The following SF1 variants were observed in gnomAD, a reference collection of about 807,000 sequenced individuals.
SF1 encodes branch point-binding protein.
In SF1, 7 loss-of-function variants were observed where a neutral mutation model predicts 62.5. The ratio of observed to expected loss-of-function variants is 0.11; its 90% confidence interval spans 0.06 to 0.21. SF1 has a LOEUF of 0.21. Among genes scored for constraint, SF1 ranks in the 10% least tolerant of loss-of-function variants. The probability of loss-of-function intolerance (pLI) is 1.00; values close to 1 mark genes in which losing one functional copy is unlikely to be tolerated. For missense variants in SF1, 578 were observed against 884.0 expected (o/e 0.65, Z 4.39); for synonymous variants, 394 against 323.6 (o/e 1.22, Z -2.33).
rs755650199 is a variant in SF1, at chr11:64,776,480, T to G, written c.160+18A>C. The G allele has an allele frequency of 6.4e-7, 1 of 1,568,672 alleles. No homozygotes were observed. Among genetic ancestry groups the G allele is most frequent in the Non-Finnish European group, 8.6e-7 (1 of 1,162,478 alleles). ...GTAACAATCTCAAAGTGCATTTGGA[T>G]GCAGAACGTATATTTACCTATATAA... On this transcript the variant is annotated intron_variant, in intron 2 of 12. Transcript: ENST00000377390.
At chr11:64,770,123 A>T (rs1178356640) in intron 4 of SF1, 70 bp from the exon 5 acceptor site, 5 of 1,559,398 alleles carry the variant, frequency 3.2e-6, no homozygotes, top group African/African-American at 1.4e-5. Context: ...TTCTAAAACC[A>T]AATATTGGTA....
Position 64,770,334 on chromosome 11 carries a change from T to A in SF1, c.311A>T (p.Lys104Met), listed in dbSNP as rs1261260495. The part of the protein sequence containing the change: ...LNTREFRTRK[K>M]LEEERHNLIT... The stretch of plus-strand genomic sequence containing the variant: ...GAGGTTGTGCCGCTCCTCTTCCAGC[T>A]TTTTGCGGGTGCGGAACTCTCGGGT... The change falls in exon 4 of 13, where the codon AAG becomes ATG. Residue 104 changes from lysine (K) to methionine (M), a missense_variant. By Grantham distance (95) the Lys-to-Met change is moderately conservative. Transcript: ENST00000377390. 1.2e-6 allele frequency: 2 copies of A among 1,614,138 alleles called. No individual in the cohort carries two copies. Among genetic ancestry groups the A allele is most frequent in the Non-Finnish European group, 1.7e-6 (2 of 1,180,016 alleles).
At chr11:64,774,061 C>A (rs534094770) in intron 2 of SF1, among the ~76,000 whole-genome samples, 1 of 152,302 alleles carries the variant, frequency 6.6e-6, no homozygotes, top group East Asian at 1.9e-4. Context: ...AAATTCAACA[C>A]CTTATAGAAA....
intron 1 of SF1, chr11:64,777,769 G>C: frequency 2.0e-6 from 2 of 985,360 alleles, no homozygotes; most frequent in Non-Finnish European, 2.4e-6. Context: ...TCTGCGCACA[G>C]AGCGCCTCCC....
chr11:64,769,282 C>T lies in SF1; in HGVS notation c.720G>A (p.Arg240=). 6.2e-7 allele frequency: 1 copy of T among 1,614,230 alleles called. No individual in the cohort carries two copies. Among genetic ancestry groups the T allele is most frequent in the East Asian group, 2.2e-5 (1 of 44,890 alleles). Residue 240 remains arginine (R), a synonymous_variant, in exon 7 of 13, where the codon CGG becomes CGA. Coordinates refer to ENST00000377390, the MANE Select transcript of SF1 (RefSeq NM_004630.4). ...GAGCCAACTCCCGAAGCTGCATCTT[C>T]CGTAGATCATTCTGGTCCTCTGGAG... ...IETPEDQNDL[R]KMQLRELARL...
In SF1 at chr11:64,767,757, C is replaced by T; in HGVS notation, c.1156G>A (p.Gly386Ser). The T allele has an allele frequency of 6.2e-7, 1 of 1,613,502 alleles. No homozygotes were observed. Reference protein sequence around the residue: ...SRPYHGMHGGGPGGPGGGPHS... With the variant: ...SRPYHGMHGGSPGGPGGGPHS... Reference sequence around the variant, plus strand: ...GGGCCACCTCCGGGCCCACCAGGACCACCTCCATGCATGCCGTGGTAGGGC... The same window carrying T: ...GGGCCACCTCCGGGCCCACCAGGACTACCTCCATGCATGCCGTGGTAGGGC... The change falls in exon 10 of 13, where the codon GGT becomes AGT. Residue 386 changes from glycine to serine, a missense_variant. Gly to Ser is a moderately conservative substitution (Grantham distance 56). Coordinates refer to ENST00000377390, the MANE Select transcript of SF1 (RefSeq NM_004630.4).
At position 64,770,659 on chromosome 11, in the gene SF1, G is replaced by GA; in HGVS notation, c.237-252dup. On this transcript the variant is annotated intron_variant, in intron 3 of 12. Coordinates refer to ENST00000377390, the MANE Select transcript of SF1 (RefSeq NM_004630.4). ...ATTTTGCATCTAGAAGTGATGAGAG[G>GA]AAAAAATGTCTATTCTTTGGGGAAA... 8.5e-6 allele frequency: 3 copies of GA among 352,944 alleles called. No homozygotes were observed. The Admixed American group carries it at 1.3e-4, about 15-fold the overall frequency. 21.9% of individuals were successfully genotyped at this position (352,944 alleles called of 1,614,324 possible).
chr11:64,777,781 C>T, intron 1 of SF1: 1 of 974,184 alleles, frequency 1.0e-6, no homozygotes, highest in South Asian at 4.7e-5. Flanking sequence ...GCGCCTCCCG[C>T]CCGCCCAGCC....
In SF1 at chr11:64,767,814, G is replaced by A. The variant is rs775788655; in HGVS notation, c.1099C>T (p.Pro367Ser). The change falls in exon 10 of 13, where the codon CCC becomes TCC. Residue 367 changes from proline (P) to serine (S), a missense_variant. This residue lies in a region of SF1 where 410 missense variants were observed against 452.4 expected (regional missense o/e 0.91). Transcript: ENST00000377390. ...SLMSTTQSRP[P>S]WMNSGPSESR... ...TCTGAAGGGCCAGAATTCATCCAGG[G>A]TGGGCGGCTCTGGGTGGTAGACATG... 6 of 1,613,654 alleles carry A rather than the reference G, an allele frequency of 3.7e-6. No individual in the cohort carries two copies. In the East Asian group the frequency reaches 1.3e-4, roughly 36 times the overall value.
rs975971395 is a variant in SF1, at chr11:64,772,705, A to T, written c.236+725T>A. The T allele has an allele frequency of 5.1e-6, 5 of 985,480 alleles. No homozygotes were observed. The East Asian group carries it at 5.7e-4, about 112-fold the overall frequency. The allele number at this position is 985,480 out of a possible 1,614,324, so 61.0% of individuals were successfully genotyped here. ...AGCTAATAAAATTCCAGTTTAAAAAAGTTCATCTCCCCCACACAATTTATT... is the reference window on the plus strand; with the variant it reads ...AGCTAATAAAATTCCAGTTTAAAAATGTTCATCTCCCCCACACAATTTATT... On this transcript the variant is annotated intron_variant, in intron 3 of 12. Coordinates refer to ENST00000377390, the MANE Select transcript of SF1 (RefSeq NM_004630.4).
chr11:64,777,847 C>G, intron 1 of SF1: 1 of 953,126 alleles, frequency 1.0e-6, no homozygotes, highest in Non-Finnish European at 1.2e-6. Context: ...CGCGCGCGCC[C>G]AGGGGCGCCT....
chr11:64,773,416 A>C lies in SF1; in HGVS notation c.236+14T>G. Reference sequence around the variant, plus strand: ...AAAAGCGTTACTGTCAGCTGGTTAAAACTGTTTCCCAACCTGTCCTCAGGG... The same window carrying C: ...AAAAGCGTTACTGTCAGCTGGTTAACACTGTTTCCCAACCTGTCCTCAGGG... On this transcript the variant is annotated intron_variant, in intron 3 of 12. Coordinates refer to ENST00000377390, the MANE Select transcript of SF1 (RefSeq NM_004630.4). 6.2e-7 allele frequency: 1 copy of C among 1,612,520 alleles called. No individual in the cohort carries two copies. The highest frequency in any genetic ancestry group is 1.3e-5 in the African/African-American group (1 of 74,950).
Position 64,778,338 on chromosome 11 carries a change from G to A in SF1, c.31+24C>T, listed in dbSNP as rs781312024. ...CCTCCTTTGGGCCCGGGGAGCGGGGGCAGCCCGGGGGGGCCCAGCTTACCC... is the reference window on the plus strand; with the variant it reads ...CCTCCTTTGGGCCCGGGGAGCGGGGACAGCCCGGGGGGGCCCAGCTTACCC... On this transcript the variant is annotated intron_variant, in intron 1 of 12. Coordinates refer to ENST00000377390, the MANE Select transcript of SF1 (RefSeq NM_004630.4). 1.2e-5 allele frequency: 15 copies of A among 1,225,490 alleles called. No homozygotes were observed. The highest frequency in any genetic ancestry group is 3.1e-5 in the African/African-American group (2 of 63,942). 75.9% of individuals were successfully genotyped at this position (1,225,490 alleles called of 1,614,324 possible).
intron 9 of SF1, 96 bp from the exon 10 acceptor site, chr11:64,767,940 A>G: frequency 6.6e-7 from 1 of 1,512,266 alleles, no homozygotes; most frequent in Non-Finnish European, 8.9e-7. Context: ...CACAAGAACA[A>G]GGTCTTCCCG....
At chr11:64,775,510 C>A (rs1312246580) in intron 2 of SF1, among the ~76,000 whole-genome samples, 1 of 152,142 alleles carries the variant, frequency 6.6e-6, no homozygotes, top group African/African-American at 2.4e-5. Flanking sequence ...ACAATTCCAA[C>A]GCCTCAAAAT....
intron 1 of SF1, chr11:64,777,991 T>G (rs1427187337): frequency 2.0e-6 from 2 of 995,210 alleles, no homozygotes. Context: ...ACTCACCTCC[T>G]CCGCCGCCGG....
At chr11:64,776,803 A>G (rs1939332709) in intron 1 of SF1, among the ~76,000 whole-genome samples, 177 bp from the exon 2 acceptor site, 1 of 152,234 alleles carries the variant, frequency 6.6e-6, no homozygotes, top group Non-Finnish European at 1.5e-5. Context: ...TTTAAAGCTT[A>G]TGGCCACTAC....
chr11:64,775,164 T>C (rs77885121), intron 2 of SF1, among the ~76,000 whole-genome samples: 2 of 152,224 alleles, frequency 1.3e-5, no homozygotes, highest in African/African-American at 4.8e-5. Context: ...TAGCTGACTA[T>C]GGAGATGTGG....
intron 1 of SF1, 192 bp downstream of exon 1, chr11:64,778,170 G>T: frequency 1.1e-6 from 1 of 895,430 alleles, no homozygotes; most frequent in Non-Finnish European, 1.4e-6. Flanking sequence ...GGAGGGGGCG[G>T]CGGCGGAGGC....
Sources: gnomAD v4.1 joint callset for allele counts (sites outside exome capture counted in the v4.1 genomes callset) on GRCh38, gnomAD v4.1.1 for gene constraint, gnomAD v4.1.1 regional missense constraint, MANE v1.5 for transcripts, NCBI Gene and HGNC (gene_info 2026-07-23, HGNC 2026-07-21) for gene names.